ZFYVE16: variants seen among roughly 807,000 people sequenced by gnomAD.
The protein encoded by ZFYVE16 is zinc finger FYVE domain-containing protein 16.
ZFYVE16 carries 89 observed loss-of-function variants against 138.1 expected under a neutral mutation model. The observed-to-expected ratio is 0.64, with a 90% CI of 0.54 to 0.77. The LOEUF is 0.77. Among genes scored for constraint, ZFYVE16 ranks in the 30% least tolerant of loss-of-function variants. The pLI, the probability that ZFYVE16 is intolerant of heterozygous loss-of-function variation, is 0.00. For missense variants in ZFYVE16, 1,793 were observed against 1,786.7 expected (o/e 1.00, Z -0.06); for synonymous variants, 596 against 618.3 (o/e 0.96, Z 0.53).
chr5:80,450,468 A>C lies in ZFYVE16; in HGVS notation c.3264A>C (p.Gly1088=). The C allele has an allele frequency of 6.2e-7, 1 of 1,613,614 alleles. No homozygotes were observed. Among genetic ancestry groups the C allele is most frequent in the South Asian group, 1.1e-5 (1 of 91,066 alleles). ...AATATTGGTACTTTTCAACCAATGG[A>C]TTGCATGGCTTGGGACAGGCAGAAA... ...SDKYWYFSTN[G]LHGLGQAEII... Residue 1088 remains glycine (G), a synonymous_variant, in exon 10 of 19, where the codon GGA becomes GGC. Coordinates refer to ENST00000505560, the MANE Select transcript of ZFYVE16 (RefSeq NM_001284236.3).
Position 80,461,496 on chromosome 5 carries a change from C to CA in ZFYVE16, c.4024+2006dup, listed in dbSNP as rs772584641. On this transcript the variant is annotated intron_variant, in intron 15 of 18. Transcript: ENST00000505560. Reference sequence around the variant, plus strand: ...TCTTAATCAGTTTGGGCTGCCATAACAAAATACAACAGATTGAGTAGCGTA... The same window carrying CA: ...TCTTAATCAGTTTGGGCTGCCATAACAAAAATACAACAGATTGAGTAGCGTA... Among the ~76,000 whole-genome samples, 50 of 152,266 alleles carry CA rather than the reference C, an allele frequency of 3.3e-4. No homozygotes were observed. In the Middle Eastern group the frequency reaches 0.01, roughly 31 times the overall value.
In ZFYVE16 at chr5:80,436,822, A is replaced by C. The variant is rs1448449222; in HGVS notation, c.137A>C (p.Glu46Ala). The change falls in exon 4 of 19, where the codon GAG (glutamate) becomes GCG (alanine). Residue 46 changes from glutamate (E) to alanine (A), a missense_variant. Coordinates refer to ENST00000505560, the MANE Select transcript of ZFYVE16 (RefSeq NM_001284236.3). ...TCTAACCACTGCTCAGTTTCTTCAG[A>C]GTTGGCTTCCTCACAGCGAACTTCA... ...YDSNHCSVSS[E>A]LASSQRTSLL... 1 of 1,614,162 alleles carries C rather than the reference A, an allele frequency of 6.2e-7. No homozygotes were observed. The highest frequency in any genetic ancestry group is 1.7e-5 in the Admixed American group (1 of 60,018).
Position 80,477,212 on chromosome 5 carries a change from T to A in ZFYVE16, c.4462-7T>A. The A allele has an allele frequency of 1.3e-6, 2 of 1,581,274 alleles. No homozygotes were observed. The highest frequency in any genetic ancestry group is 1.7e-6 in the Non-Finnish European group (2 of 1,171,978). The stretch of plus-strand genomic sequence containing the variant: ...ATTTTCTTATCAAGAATTTTTTTTT[T>A]TTCTAGGTTGAATTTCAGGCAGGAT... On this transcript the variant is annotated splice_region_variant and splice_polypyrimidine_tract_variant and intron_variant, in intron 18 of 18. Coordinates refer to ENST00000505560, the MANE Select transcript of ZFYVE16 (RefSeq NM_001284236.3).
At position 80,480,416 on chromosome 5, in the gene ZFYVE16, A is replaced by G. The variant is rs2112576928; in HGVS notation, c.*3039A>G. Among the ~76,000 whole-genome samples, 1 of 115,998 alleles carries G rather than the reference A, an allele frequency of 8.6e-6. No homozygotes were observed. The highest frequency in any genetic ancestry group is 2.8e-4 in the East Asian group (1 of 3,526). 76.1% of individuals were successfully genotyped at this position (115,998 alleles called of 152,430 possible). ...CAGGAGAAACTATTCACAGTGCACC[A>G]TGGGAGAAACAGCTGGAAAAAAAAA... On this transcript the variant is annotated 3_prime_UTR_variant, in exon 19 of 19. Transcript: ENST00000505560.
In ZFYVE16 at chr5:80,480,430, T is replaced by TG. The variant is rs1286378639; in HGVS notation, c.*3055dup. 1.9e-5 allele frequency among the ~76,000 whole-genome samples: 1 copy of TG among 53,626 alleles called. No homozygotes were observed. The highest frequency in any genetic ancestry group is 8.1e-5 in the Non-Finnish European group (1 of 12,408). The allele number at this position is 53,626 out of a possible 152,430, so 35.2% of individuals were successfully genotyped here. On this transcript the variant is annotated 3_prime_UTR_variant, in exon 19 of 19. Coordinates refer to ENST00000505560, the MANE Select transcript of ZFYVE16 (RefSeq NM_001284236.3). ...CACAGTGCACCATGGGAGAAACAGC[T>TG]GGAAAAAAAAACAGAAGACCTGTAG... is the stretch of plus-strand genomic sequence containing the variant.
At chr5:80,467,128 C>T (rs944986283) in intron 15 of ZFYVE16, among the ~76,000 whole-genome samples, 4 of 152,170 alleles carry the variant, frequency 2.6e-5, no homozygotes, top group Non-Finnish European at 5.9e-5. Context: ...AAAATCTTTT[C>T]TCAGGGAGTG....
At position 80,451,569 on chromosome 5, in the gene ZFYVE16, C is replaced by T; in HGVS notation, c.3467C>T (p.Thr1156Ile). Reference sequence around the variant, plus strand: ...GATCACGGAGGATTCCTGTTTATTACACCTACTTTTCAGAAACTTGATGAT... The same window carrying T: ...GATCACGGAGGATTCCTGTTTATTATACCTACTTTTCAGAAACTTGATGAT... ...SKDHGGFLFI[T>I]PTFQKLDDLS... The change falls in exon 11 of 19, where the codon ACA becomes ATA. Residue 1156 changes from threonine (T) to isoleucine (I), a missense_variant. By Grantham distance (89) the Thr-to-Ile change is moderately conservative (BLOSUM62 -1). This residue lies in a region of ZFYVE16 where 498 missense variants were observed against 582.4 expected (regional missense o/e 0.86). Coordinates refer to ENST00000505560, the MANE Select transcript of ZFYVE16 (RefSeq NM_001284236.3). The T allele has an allele frequency of 1.2e-6, 2 of 1,613,846 alleles. No individual in the cohort carries two copies. The highest frequency in any genetic ancestry group is 1.7e-6 in the Non-Finnish European group (2 of 1,179,880).
At chr5:80,453,038 T>C (rs1348635515) in intron 11 of ZFYVE16, among the ~76,000 whole-genome samples, 1 of 152,214 alleles carries the variant, frequency 6.6e-6, no homozygotes, top group African/African-American at 2.4e-5. Context: ...AGACATTTGA[T>C]TCTAATATAA....
At chr5:80,428,179 C>T (rs186031594) in intron 2 of ZFYVE16, among the ~76,000 whole-genome samples, 3,205 of 152,014 alleles carry the variant, frequency 0.021, 112 homozygotes, top group African/African-American at 0.072. Context: ...CCCTGACCCC[C>T]GAGTAGCCTA....
intron 3 of ZFYVE16, chr5:80,435,684 T>C: frequency 2.4e-6 from 1 of 414,444 alleles, no homozygotes; most frequent in South Asian, 1.7e-5. Context: ...TCCTCTCACC[T>C]CAGCCTTCTG....
At chr5:80,417,340 C>T (rs186168301) in intron 1 of ZFYVE16, among the ~76,000 whole-genome samples, 16 of 152,138 alleles carry the variant, frequency 1.1e-4, no homozygotes, top group Non-Finnish European at 2.1e-4. Flanking sequence ...TCGCAGTCTG[C>T]ATGCCAATCT....
chr5:80,414,082 A>G (rs980949129), intron 1 of ZFYVE16, among the ~76,000 whole-genome samples: 1 of 152,158 alleles, frequency 6.6e-6, no homozygotes, highest in Non-Finnish European at 1.5e-5. Flanking sequence ...CCTTTCTTGT[A>G]TAATTTTTGT....
In ZFYVE16 at chr5:80,427,480, A is replaced by G. The variant is rs142229143; in HGVS notation, c.-93-12A>G. The G allele has an allele frequency of 2.8e-4, 42 of 151,508 alleles. No individual in the cohort carries two copies. Among genetic ancestry groups the G allele is most frequent in the African/African-American group, 1.0e-3 (42 of 41,286 alleles). The allele number at this position is 151,508 out of a possible 1,614,324, so 9.4% of individuals were successfully genotyped here. ...TTTGTCCTTTTGATATTATCCCATT[A>G]CTTATTGACAGATTCCTGTGAGGTT... is the stretch of plus-strand genomic sequence containing the variant. On this transcript the variant is annotated splice_polypyrimidine_tract_variant and intron_variant, in intron 1 of 18. Transcript: ENST00000505560.
intron 11 of ZFYVE16, among the ~76,000 whole-genome samples, chr5:80,452,825 T>C (rs1419849122): frequency 6.6e-6 from 1 of 152,234 alleles, no homozygotes; most frequent in Non-Finnish European, 1.5e-5. Flanking sequence ...CATGTGTATG[T>C]ACGTGTGTGT....
chr5:80,429,223 C>T (rs1341976915), intron 2 of ZFYVE16, among the ~76,000 whole-genome samples: 1 of 152,176 alleles, frequency 6.6e-6, no homozygotes, highest in Non-Finnish European at 1.5e-5. Flanking sequence ...AGGTTACCGA[C>T]AAAGGGAAGC....
At chr5:80,414,931 G>C (rs1362158862) in intron 1 of ZFYVE16, among the ~76,000 whole-genome samples, 1 of 152,210 alleles carries the variant, frequency 6.6e-6, no homozygotes, top group Non-Finnish European at 1.5e-5. Context: ...ATTTCACAAT[G>C]ATGTTGGTTG....
chr5:80,408,938 T>C (rs1745036295), intron 1 of ZFYVE16, among the ~76,000 whole-genome samples: 1 of 151,790 alleles, frequency 6.6e-6, no homozygotes, highest in African/African-American at 2.4e-5. Context: ...GGCGGGAGTT[T>C]AATGGTTTAA....
chr5:80,470,268 A>AT (rs1213540750), intron 15 of ZFYVE16, among the ~76,000 whole-genome samples: 1 of 150,218 alleles, frequency 6.7e-6, no homozygotes, highest in Non-Finnish European at 1.5e-5. Flanking sequence ...CACCTGGCTA[A>AT]TTTTTCGTAT....
chr5:80,455,470 G>T (rs1339918823), intron 11 of ZFYVE16: 7 of 441,370 alleles, frequency 1.6e-5, no homozygotes, highest in Non-Finnish European at 2.8e-5. Context: ...GGAAGTGGAG[G>T]TTGCAATGAG....
Sources: allele counts gnomAD v4.1 joint callset (sites outside exome capture counted in the v4.1 genomes callset), GRCh38; gene constraint gnomAD v4.1.1; regional missense constraint gnomAD v4.1.1; transcripts MANE v1.5; gene names NCBI Gene and HGNC (gene_info 2026-07-23, HGNC 2026-07-21).